The following KLF17 variants were observed in gnomAD, a reference collection of about 807,000 sequenced individuals.
The protein encoded by KLF17 is KLF transcription factor 17.
KLF17 carries 31 observed loss-of-function variants against 34.2 expected under a neutral mutation model. The observed-to-expected ratio is 0.91, with a 90% confidence interval of 0.68 to 1.22. The LOEUF (loss-of-function observed/expected upper bound fraction) is 1.22. Among genes scored for constraint, KLF17 ranks in the 50% most tolerant of loss-of-function variants. The pLI is 0.00. For missense variants in KLF17, 478 were observed against 505.2 expected, an observed-to-expected ratio of 0.95 and a Z score of 0.52; for synonymous variants, 179 against 186.7, an observed-to-expected ratio of 0.96 and a Z score of 0.34.
At chr1:44,127,717 C>G (rs59031657) in intron 1 of KLF17, among the ~76,000 whole-genome samples, 1 of 74,716 alleles carries the variant, frequency 1.3e-5, no homozygotes, top group South Asian at 4.6e-4. Context: ...TCTTTCTTCT[C>G]TTTTCTTTCT....
At chr1:44,105,415 T>C in the KLF17 span, 1 of 151,458 alleles carries the variant, frequency 6.6e-6, no homozygotes, top group Non-Finnish European at 1.5e-5. Flanking sequence ...GTTTTCATGA[T>C]GCCAGTCTCC....
At chr1:44,067,031 A>G in the KLF17 span, among the ~76,000 whole-genome samples, 2 of 152,210 alleles carry the variant, frequency 1.3e-5, no homozygotes, top group African/African-American at 4.8e-5. Context: ...TATGGGTAGA[A>G]CTAAGTGATC....
the KLF17 span, among the ~76,000 whole-genome samples, chr1:44,066,241 G>C: frequency 1.3e-5 from 2 of 151,818 alleles, no homozygotes; most frequent in Non-Finnish European, 2.9e-5. Flanking sequence ...GATTGCTTGA[G>C]CTGGGAGGTC....
upstream of KLF17, chr1:44,117,055 C>G (rs182857624): frequency 2.5e-3 from 384 of 152,280 alleles, 3 homozygotes; most frequent in Non-Finnish European, 3.2e-3. Context: ...CTCCCTACCC[C>G]CTTCTGATCC....
At chr1:44,090,306 C>CAAAAAAAAAAAAAAAAAAAAAAAAA in the KLF17 span, among the ~76,000 whole-genome samples, 4 of 23,410 alleles carry the variant, frequency 1.7e-4, 1 homozygote, top group South Asian at 6.2e-3. Flanking sequence ...CTTGTCTCTA[C>CAAAAAAAAAAAAAAAAAAAAAAAAA]AAAAAAAAAA....
chr1:44,058,384 A>G, the KLF17 span, among the ~76,000 whole-genome samples: 1 of 152,058 alleles, frequency 6.6e-6, no homozygotes, highest in East Asian at 2.0e-4. Flanking sequence ...TCCACCTCCC[A>G]GGTTCAAGCG....
the KLF17 span, among the ~76,000 whole-genome samples, chr1:44,049,870 A>G: frequency 2.0e-5 from 3 of 152,234 alleles, no homozygotes; most frequent in African/African-American, 7.2e-5. Context: ...ATTCCATTGC[A>G]TGAATATATA....
chr1:44,087,730 AT>A, the KLF17 span, among the ~76,000 whole-genome samples: 3 of 55,626 alleles, frequency 5.4e-5, no homozygotes, highest in African/African-American at 2.9e-4. Flanking sequence ...TATTTTATAT[AT>A]ATATATATAT....
chr1:44,118,054 G>C (rs1203725873), upstream of KLF17, among the ~76,000 whole-genome samples: 1 of 152,080 alleles, frequency 6.6e-6, no homozygotes, highest in African/African-American at 2.4e-5. Flanking sequence ...TTCTAGCACC[G>C]TTGGGCTCTT....
At position 44,134,709 on chromosome 1, in the gene KLF17, T is replaced by C. The variant is rs2088149891; in HGVS notation, c.*1472T>C. On this transcript the variant is annotated 3_prime_UTR_variant, in exon 4 of 4. Transcript: ENST00000372299. ...TTAAGTGTTTTCTTTGGCTGCAACA[T>C]GGAGATTAGATTAGAGCAAGGATGT... is the stretch of plus-strand genomic sequence containing the variant. The C allele has an allele frequency of 6.6e-6, 1 of 152,224 alleles. No homozygotes were observed. The highest frequency in any genetic ancestry group is 6.5e-5 in the Admixed American group (1 of 15,276). The allele number at this position is 152,224 out of a possible 1,614,324, so 9.4% of individuals were successfully genotyped here.
intron 1 of KLF17, among the ~76,000 whole-genome samples, chr1:44,123,266 T>C (rs544613972): frequency 6.6e-6 from 1 of 152,264 alleles, no homozygotes; most frequent in East Asian, 1.9e-4. Flanking sequence ...CTCACCATGT[T>C]GCCCTGGCTG....
the KLF17 span, chr1:44,106,753 G>C: frequency 6.6e-6 from 1 of 152,224 alleles, no homozygotes; most frequent in South Asian, 2.1e-4. Context: ...AACAAGGGAA[G>C]CTAAGAAGTC....
At chr1:44,106,491 T>G in the KLF17 span, 2 of 152,332 alleles carry the variant, frequency 1.3e-5, no homozygotes, top group South Asian at 4.1e-4. Context: ...GAGTGAAAAT[T>G]GAGGCAGATT....
chr1:44,115,834 A>G (rs2087875168), upstream of KLF17: 1 of 152,184 alleles, frequency 6.6e-6, no homozygotes, highest in African/African-American at 2.4e-5. Context: ...AATGATTGAA[A>G]TAAATAGTTG....
the KLF17 span, among the ~76,000 whole-genome samples, chr1:44,061,583 G>T: frequency 6.6e-6 from 1 of 152,096 alleles, no homozygotes; most frequent in Non-Finnish European, 1.5e-5. Flanking sequence ...CTTTTTTCTA[G>T]AAATTTCTGT....
At chr1:44,055,967 A>C in the KLF17 span, among the ~76,000 whole-genome samples, 1 of 152,204 alleles carries the variant, frequency 6.6e-6, no homozygotes, top group African/African-American at 2.4e-5. Context: ...ATGTCTCTGA[A>C]GATGCTCATT....
At chr1:44,098,102 T>G in the KLF17 span, among the ~76,000 whole-genome samples, 1 of 152,148 alleles carries the variant, frequency 6.6e-6, no homozygotes, top group African/African-American at 2.4e-5. Context: ...CCTGAGTAGA[T>G]AGGACCACAG....
chr1:44,068,870 C>T, the KLF17 span, among the ~76,000 whole-genome samples: 68 of 152,276 alleles, frequency 4.5e-4, no homozygotes, highest in East Asian at 0.01. Context: ...TGGCCCATCC[C>T]CTGTTGTAAC....
chr1:44,046,676 G>T, the KLF17 span, among the ~76,000 whole-genome samples: 1 of 152,118 alleles, frequency 6.6e-6, no homozygotes, highest in East Asian at 1.9e-4. Flanking sequence ...AAGTCCATGT[G>T]GCTAGTAAAT....
Sources: allele counts gnomAD v4.1 joint callset (sites outside exome capture counted in the v4.1 genomes callset), GRCh38; gene constraint gnomAD v4.1.1; transcripts MANE v1.5; gene names NCBI Gene and HGNC (gene_info 2026-07-23, HGNC 2026-07-21).